Variants in LPP observed in about 807,000 individuals in gnomAD.
LPP encodes LIM domain containing preferred translocation partner in lipoma.
In LPP, 38 loss-of-function variants were observed where a neutral mutation model predicts 60.4. That is an observed-to-expected ratio of 0.63 (90% confidence interval 0.49 to 0.83). The LOEUF is 0.83. Among genes scored for constraint, LPP ranks in the 40% least tolerant of loss-of-function variants. The probability of loss-of-function intolerance (pLI) is 0.00; values close to 1 mark genes in which losing one functional copy is unlikely to be tolerated. For missense variants in LPP, 902 were observed against 783.6 expected (o/e 1.15, Z -1.80); for synonymous variants, 328 against 290.8 (o/e 1.13, Z -1.30).
Position 188,182,270 on chromosome 3 carries a change from T to G in LPP, c.-190+28018T>G, listed in dbSNP as rs1211345025. ...CAGCATCAGTATCACTTAGCACTTG[T>G]TACCAGTGGAGACTCTCGGTCTCAC... On this transcript the variant is annotated intron_variant, in intron 1 of 11. Transcript: ENST00000617246. The surrounding 1 kb of genome is among the most constrained non-coding windows in gnomAD (Gnocchi z 4.4). Among the ~76,000 whole-genome samples, 1 of 152,224 alleles carries G rather than the reference T, an allele frequency of 6.6e-6. No individual in the cohort carries two copies. Among genetic ancestry groups the G allele is most frequent in the Non-Finnish European group, 1.5e-5 (1 of 68,034 alleles).
intron 2 of LPP, among the ~76,000 whole-genome samples, chr3:188,302,243 C>G (rs866541258): frequency 5.3e-5 from 8 of 152,138 alleles, no homozygotes; most frequent in African/African-American, 1.9e-4. Context: ...AACAGAGACT[C>G]AAAGAGGCTA....
In LPP at chr3:188,324,250, T is replaced by A. The variant is rs965379734; in HGVS notation, c.-66-17413T>A. Among the ~76,000 whole-genome samples the A allele has an allele frequency of 9.8e-5, 15 of 152,302 alleles. No homozygotes were observed. The East Asian group carries it at 2.9e-3, about 29-fold the overall frequency. ...TTCTTTTTTATTTCCATTCCTAGAT[T>A]ATTTGCCCTCAAGTCTTTGGTAATT... On this transcript the variant is annotated intron_variant, in intron 2 of 11. Transcript: ENST00000617246.
chr3:188,360,958 A>G (rs549260247), intron 3 of LPP, among the ~76,000 whole-genome samples: 1 of 152,210 alleles, frequency 6.6e-6, no homozygotes, highest in African/African-American at 2.4e-5. Context: ...ACACAAATGC[A>G]ATGATGCTAA....
At chr3:188,708,166 G>T (rs1865854735) in intron 7 of LPP, 101 bp from the exon 8 acceptor site, 4 of 1,359,796 alleles carry the variant, frequency 2.9e-6, no homozygotes, top group Admixed American at 4.2e-5. Flanking sequence ...GCCACGTCCA[G>T]TGCTTTTTCC....
At chr3:188,855,282 T>G (rs756335756) in intron 9 of LPP, among the ~76,000 whole-genome samples, 4 of 152,228 alleles carry the variant, frequency 2.6e-5, no homozygotes, top group Non-Finnish European at 2.9e-5. Flanking sequence ...AATTTTGTAT[T>G]CAACCAATAC....
At chr3:188,407,333 G>A (rs1180249302) in intron 4 of LPP, among the ~76,000 whole-genome samples, 4 of 152,060 alleles carry the variant, frequency 2.6e-5, no homozygotes, top group Non-Finnish European at 4.4e-5. Flanking sequence ...CCTCTCCTGC[G>A]CCCAGGAAAC....
At chr3:188,866,141 T>A in intron 9 of LPP, 59 bp from the exon 10 acceptor site, 7 of 1,321,516 alleles carry the variant, frequency 5.3e-6, no homozygotes, top group Non-Finnish European at 7.0e-6. Flanking sequence ...AAGATGCCTG[T>A]CATGCAGTAT....
chr3:188,358,222 C>CATA (rs1171058389), intron 3 of LPP, among the ~76,000 whole-genome samples: 2 of 152,164 alleles, frequency 1.3e-5, no homozygotes, highest in Non-Finnish European at 2.9e-5. Flanking sequence ...CCCAAGGTTA[C>CATA]ATAATAATAA....
intron 9 of LPP, among the ~76,000 whole-genome samples, chr3:188,843,014 T>C (rs747456871): frequency 6.6e-6 from 1 of 152,258 alleles, no homozygotes; most frequent in Non-Finnish European, 1.5e-5. Context: ...TTTCATTTTG[T>C]GCAGTTGTCT....
intron 5 of LPP, among the ~76,000 whole-genome samples, chr3:188,504,849 A>G (rs949276143): frequency 4.0e-5 from 6 of 151,574 alleles, no homozygotes; most frequent in Non-Finnish European, 8.8e-5. Flanking sequence ...CTTCAGCTGG[A>G]GTGAGAGGGG....
chr3:188,230,149 G>A (rs540161328), intron 2 of LPP, among the ~76,000 whole-genome samples: 24 of 151,826 alleles, frequency 1.6e-4, no homozygotes, highest in African/African-American at 4.8e-4. Flanking sequence ...GCGGTGGTGC[G>A]ATCTTGGCTC....
intron 7 of LPP, among the ~76,000 whole-genome samples, chr3:188,655,156 T>C (rs1466912156): frequency 2.0e-5 from 3 of 152,184 alleles, no homozygotes; most frequent in Admixed American, 2.0e-4. Flanking sequence ...CAGGATATTC[T>C]CTCTTCCTTT....
intron 7 of LPP, among the ~76,000 whole-genome samples, chr3:188,643,632 C>CTCCTG (rs1476621360): frequency 2.0e-4 from 30 of 152,056 alleles, no homozygotes; most frequent in African/African-American, 6.3e-4. Context: ...GATGTGATGT[C>CTCCTG]TCCTGTCCTG....
At chr3:188,295,275 C>A (rs1216845191) in intron 2 of LPP, among the ~76,000 whole-genome samples, 1 of 152,220 alleles carries the variant, frequency 6.6e-6, no homozygotes, top group Non-Finnish European at 1.5e-5. Flanking sequence ...TGACTCACTT[C>A]TCTGAGCAGC....
intron 2 of LPP, among the ~76,000 whole-genome samples, chr3:188,268,017 ATTTTTTTTTT>A (rs5855185): frequency 9.8e-6 from 1 of 102,340 alleles, no homozygotes; most frequent in African/African-American, 3.5e-5. Flanking sequence ...ATTTTTAAGG[ATTTTTTTTTT>A]TTTTTTTTTT....
chr3:188,382,492 G>T (rs1233502705), intron 3 of LPP, among the ~76,000 whole-genome samples: 2 of 152,160 alleles, frequency 1.3e-5, no homozygotes, highest in Non-Finnish European at 2.9e-5. Flanking sequence ...GTGAATAATG[G>T]ATGTGATGGC....
At chr3:188,794,113 G>A (rs1342735565) in intron 9 of LPP, among the ~76,000 whole-genome samples, 1 of 152,206 alleles carries the variant, frequency 6.6e-6, no homozygotes, top group African/African-American at 2.4e-5. Flanking sequence ...TTTATACATG[G>A]ATAATTTGTA....
intron 2 of LPP, among the ~76,000 whole-genome samples, chr3:188,286,506 A>T (rs192371072): frequency 1.3e-5 from 2 of 152,314 alleles, no homozygotes; most frequent in African/African-American, 4.8e-5. Context: ...TCTGGAGAAC[A>T]GTATTTTCTC....
chr3:188,648,434 G>T (rs1411254653), intron 7 of LPP, among the ~76,000 whole-genome samples: 1 of 152,148 alleles, frequency 6.6e-6, no homozygotes, highest in Non-Finnish European at 1.5e-5. Flanking sequence ...TGGCTTATGA[G>T]GTTTCCATTT....
Sources: allele counts gnomAD v4.1 joint callset (sites outside exome capture counted in the v4.1 genomes callset), GRCh38; gene constraint gnomAD v4.1.1; non-coding constraint Gnocchi (gnomAD v3.1); transcripts MANE v1.5; gene names NCBI Gene and HGNC (gene_info 2026-07-23, HGNC 2026-07-21).